CNBD1: variants seen among roughly 807,000 people sequenced by gnomAD.
CNBD1 encodes cyclic nucleotide binding domain containing 1, also known as cyclic nucleotide-binding domain-containing protein 1.
CNBD1 carries 71 observed loss-of-function variants against 54.4 expected under a neutral mutation model. That is an observed-to-expected ratio of 1.30 (90% confidence interval 1.08 to 1.59). The LOEUF (loss-of-function observed/expected upper bound fraction) is 1.59, where lower values mean the gene tolerates loss of function less well. Among genes scored for constraint, CNBD1 ranks in the 40% most tolerant of loss-of-function variants. The pLI, the probability that CNBD1 is intolerant of heterozygous loss-of-function variation, is 0.00. For missense variants in CNBD1, 659 were observed against 518.0 expected (o/e 1.27, Z -2.64); for synonymous variants, 182 against 170.7 (o/e 1.07, Z -0.51).
chr8:87,129,069 CAAAA>C lies in CNBD1; in HGVS notation c.432-76905_432-76902del, dbSNP rs570657716. 4.7e-3 allele frequency among the ~76,000 whole-genome samples: 123 copies of C among 26,178 alleles called. 2 individuals are homozygous for C. In the Middle Eastern group the frequency reaches 0.079, roughly 17 times the overall value. 17.2% of individuals were successfully genotyped at this position (26,178 alleles called of 152,430 possible). A position where few individuals can be genotyped will look rare whatever the true frequency, so the allele number is the denominator to read the frequency against. Reference sequence around the variant, plus strand: ...TGAGCCACAGAGCAAGACTCTGCCTCAAAAAAAAAAAAAAAAAAAAAAGAATTTT... The same window carrying C: ...TGAGCCACAGAGCAAGACTCTGCCTCAAAAAAAAAAAAAAAAAAGAATTTT... On this transcript the variant is annotated intron_variant, in intron 4 of 10. Transcript: ENST00000518476.
intron 1 of CNBD1, among the ~76,000 whole-genome samples, chr8:86,879,038 C>A (rs566498962): frequency 5.3e-5 from 8 of 152,218 alleles, no homozygotes; most frequent in Admixed American, 5.2e-4. Flanking sequence ...AAAATATGAT[C>A]TTCTGCAAGA....
chr8:87,186,880 C>A (rs948071999), intron 4 of CNBD1, among the ~76,000 whole-genome samples: 1 of 151,974 alleles, frequency 6.6e-6, no homozygotes, highest in Non-Finnish European at 1.5e-5. Context: ...GATATACTAA[C>A]CACCTTAGCT....
At chr8:87,362,976 G>C (rs142983067) in intron 10 of CNBD1, among the ~76,000 whole-genome samples, 1 of 151,864 alleles carries the variant, frequency 6.6e-6, no homozygotes, top group Admixed American at 6.6e-5. Flanking sequence ...TCTATATTAG[G>C]TATTTCTCCT....
chr8:86,982,446 C>A (rs1808508024), intron 4 of CNBD1, among the ~76,000 whole-genome samples: 1 of 152,070 alleles, frequency 6.6e-6, no homozygotes, highest in African/African-American at 2.4e-5. Flanking sequence ...AGCCTGTGAT[C>A]CATTTTAATT....
chr8:87,330,274 G>T (rs1489629328), intron 8 of CNBD1, among the ~76,000 whole-genome samples: 5 of 130,346 alleles, frequency 3.8e-5, no homozygotes, highest in East Asian at 2.1e-4. Context: ...CTTATCAGTT[G>T]TATTAATCTT....
chr8:87,268,873 G>A (rs1402238363), intron 6 of CNBD1, among the ~76,000 whole-genome samples: 1 of 151,986 alleles, frequency 6.6e-6, no homozygotes, highest in Non-Finnish European at 1.5e-5. Context: ...TCTGTATGTT[G>A]TCAGTTTACT....
At chr8:87,077,834 T>G (rs1250903907) in intron 4 of CNBD1, among the ~76,000 whole-genome samples, 3 of 152,128 alleles carry the variant, frequency 2.0e-5, no homozygotes, top group Non-Finnish European at 4.4e-5. Flanking sequence ...ACATTTGGGT[T>G]GGTTCCAAGT....
At chr8:87,329,250 T>G (rs1255998390) in intron 8 of CNBD1, among the ~76,000 whole-genome samples, 1 of 152,142 alleles carries the variant, frequency 6.6e-6, no homozygotes, top group Non-Finnish European at 1.5e-5. Flanking sequence ...TTTCTGGGCT[T>G]ACATTGATCT....
At chr8:87,261,481 A>G (rs529825004) in intron 6 of CNBD1, among the ~76,000 whole-genome samples, 3 of 151,476 alleles carry the variant, frequency 2.0e-5, no homozygotes, top group African/African-American at 7.3e-5. Context: ...CAGTGGATTC[A>G]CAGAGACTCC....
rs554491338 is a variant in CNBD1 at position 87,107,703 on chromosome 8, C to G, written c.432-98290C>G. The stretch of plus-strand genomic sequence containing the variant: ...TTGAGTGACTGCATCTTAAGAATTT[C>G]TTTTGTTAAAATCACTCCCTTTTAG... On this transcript the variant is annotated intron_variant, in intron 4 of 10. Coordinates refer to ENST00000518476, the MANE Select transcript of CNBD1 (RefSeq NM_173538.3). Among the ~76,000 whole-genome samples the G allele has an allele frequency of 4.7e-5, 7 of 147,816 alleles. No individual in the cohort carries two copies. In the East Asian group the frequency reaches 1.2e-3, roughly 25 times the overall value.
intron 2 of CNBD1, among the ~76,000 whole-genome samples, chr8:87,425,591 G>A (rs1442023864): frequency 6.6e-6 from 1 of 152,118 alleles, no homozygotes; most frequent in African/African-American, 2.4e-5. Flanking sequence ...TGAGGTGTCA[G>A]TGTGCCCCTG....
intron 4 of CNBD1, among the ~76,000 whole-genome samples, chr8:86,950,069 T>G (rs1319563217): frequency 1.1e-5 from 1 of 88,068 alleles, no homozygotes; most frequent in Non-Finnish European, 2.3e-5. Context: ...TTTTTTTTTT[T>G]TTTTTTTTTT....
intron 2 of CNBD1, among the ~76,000 whole-genome samples, chr8:87,412,658 G>T (rs1246538519): frequency 6.6e-6 from 1 of 152,106 alleles, no homozygotes; most frequent in East Asian, 1.9e-4. Context: ...TGAGACAGGT[G>T]TCTCAATTGA....
chr8:86,990,840 A>AT (rs1177047867), intron 4 of CNBD1, among the ~76,000 whole-genome samples: 1 of 151,950 alleles, frequency 6.6e-6, no homozygotes, highest in Admixed American at 6.6e-5. Flanking sequence ...TATCTTTTTC[A>AT]TTTTTGGTGT....
chr8:86,909,222 T>A (rs1809064741), intron 3 of CNBD1, among the ~76,000 whole-genome samples: 1 of 152,220 alleles, frequency 6.6e-6, no homozygotes, highest in African/African-American at 2.4e-5. Context: ...CTATATCTTA[T>A]ATTTAGAATA....
chr8:87,231,075 G>A (rs576843644), intron 5 of CNBD1, among the ~76,000 whole-genome samples: 1 of 152,084 alleles, frequency 6.6e-6, no homozygotes, highest in Non-Finnish European at 1.5e-5. Context: ...GAGAGTAGGG[G>A]AGGTGCCACA....
chr8:87,135,991 TA>T (rs1586280644), intron 4 of CNBD1, among the ~76,000 whole-genome samples: 1 of 152,168 alleles, frequency 6.6e-6, no homozygotes, highest in East Asian at 1.9e-4. Context: ...CCTGTGTGGT[TA>T]GTTGTTCAAA....
chr8:87,285,210 T>A (rs991371896), intron 7 of CNBD1, among the ~76,000 whole-genome samples: 4 of 152,164 alleles, frequency 2.6e-5, no homozygotes, highest in African/African-American at 9.7e-5. Context: ...TGTAGTCTAC[T>A]TTAAAAGGAA....
intron 8 of CNBD1, among the ~76,000 whole-genome samples, chr8:87,301,430 A>G (rs186962488): frequency 6.6e-6 from 1 of 152,208 alleles, no homozygotes; most frequent in Non-Finnish European, 1.5e-5. Context: ...TGATGAACAC[A>G]GATGCTAAAA....
Sources: gnomAD v4.1 joint callset for allele counts (sites outside exome capture counted in the v4.1 genomes callset) on GRCh38, gnomAD v4.1.1 for gene constraint, MANE v1.5 for transcripts, NCBI Gene and HGNC (gene_info 2026-07-23, HGNC 2026-07-21) for gene names.